The following ABCC12 variants were observed in gnomAD, a reference collection of about 807,000 sequenced individuals.
ABCC12 encodes ATP-binding cassette sub-family C member 12.
In ABCC12, 142 loss-of-function variants were observed where a neutral mutation model predicts 151.1. The ratio of observed to expected loss-of-function variants is 0.94; its 90% CI spans 0.82 to 1.08. ABCC12 has a LOEUF of 1.08. ABCC12 is among the 50% of genes least tolerant of loss of function. The pLI, the probability that ABCC12 is intolerant of heterozygous loss-of-function variation, is 0.00. For missense variants in ABCC12, 1,638 were observed against 1,691.1 expected, an observed-to-expected ratio of 0.97 and a Z score of 0.55; for synonymous variants, 645 against 646.4, an observed-to-expected ratio of 1.00 and a Z score of 0.03.
Position 48,086,766 on chromosome 16 carries a change from A to G in ABCC12, c.3689T>C (p.Leu1230Pro). Residue 1230 changes from leucine (L) to proline (P), a missense_variant, in exon 28 of 31, where the codon CTG (leucine) becomes CCG (proline). Transcript: ENST00000311303. ...TGTGTCTCTCATGAATGTTCTCTCC[A>G]GAACCTGCCAGAGCATCTCATCGGT... ...SHTDEMLWQV[L>P]ERTFMRDTIM... 6.2e-7 allele frequency: 1 copy of G among 1,614,004 alleles called. No homozygotes were observed. Among genetic ancestry groups the G allele is most frequent in the Non-Finnish European group, 8.5e-7 (1 of 1,179,914 alleles).
At chr16:48,127,139 C>A (rs903186935) in intron 11 of ABCC12, among the ~76,000 whole-genome samples, 1 of 152,188 alleles carries the variant, frequency 6.6e-6, no homozygotes, top group Non-Finnish European at 1.5e-5. Context: ...AGGTACCACT[C>A]TCACACCAGC....
Position 48,144,415 on chromosome 16 carries a change from CTTCT to C in ABCC12, c.120-354_120-351del, listed in dbSNP as rs563528434. 1.8e-3 allele frequency among the ~76,000 whole-genome samples: 281 copies of C among 152,026 alleles called. 1 individual carries two copies. The highest frequency in any genetic ancestry group is 2.4e-3 in the Non-Finnish European group (161 of 67,962). On this transcript the variant is annotated intron_variant, in intron 3 of 30. Transcript: ENST00000311303. ...TTCATTTCTTCTTCCCCTCCTCTTC[CTTCT>C]TTTTTCCCCTCCCATTCCTCCTTCT...
At chr16:48,133,857 A>G (rs748445282) in intron 8 of ABCC12, 22 bp from the exon 9 acceptor site, 5 of 1,613,470 alleles carry the variant, frequency 3.1e-6, no homozygotes, top group African/African-American at 1.3e-5. Context: ...AACACAGTCC[A>G]AGGTGGTCTC....
Position 48,081,051 on chromosome 16 carries a change from A to G in ABCC12, c.*2664T>C, listed in dbSNP as rs1962322849. ...GAACAAGCTTCCCCAAGTCTCTTTT[A>G]TAAGAGAGCCAATCCTATTCATGAG... On this transcript the variant is annotated 3_prime_UTR_variant, in exon 31 of 31. Transcript: ENST00000311303. Among the ~76,000 whole-genome samples the G allele has an allele frequency of 6.6e-6, 1 of 152,096 alleles. No homozygotes were observed. The highest frequency in any genetic ancestry group is 1.5e-5 in the Non-Finnish European group (1 of 68,026).
Position 48,138,382 on chromosome 16 carries a change from T to C in ABCC12, c.832-7A>G. ...TGAGCTTGGCCATAAACATCTGAAA[T>C]CAAGGTACAAACACTGTTTTCAGAG... On this transcript the variant is annotated splice_region_variant and splice_polypyrimidine_tract_variant and intron_variant, in intron 7 of 30. Transcript: ENST00000311303. The C allele has an allele frequency of 6.2e-7, 1 of 1,609,722 alleles. No homozygotes were observed. The highest frequency in any genetic ancestry group is 8.5e-7 in the Non-Finnish European group (1 of 1,176,758).
At chr16:48,121,609 T>G (rs1291934893) in intron 13 of ABCC12, 107 bp downstream of exon 13, 15 of 1,381,414 alleles carry the variant, frequency 1.1e-5, no homozygotes, top group Non-Finnish European at 1.5e-5. Flanking sequence ...TAATCAGAAT[T>G]CATTAAACTC....
intron 15 of ABCC12, among the ~76,000 whole-genome samples, chr16:48,114,687 G>A (rs1302769010): frequency 6.6e-6 from 1 of 152,214 alleles, no homozygotes; most frequent in Non-Finnish European, 1.5e-5. Flanking sequence ...ACAAAGAAGA[G>A]AGAGGGAGAT....
In ABCC12 at chr16:48,104,236, T is replaced by TA. The variant is rs1353186335; in HGVS notation, c.2805dup (p.Met936TyrfsTer84). 2 of 1,614,166 alleles carry TA rather than the reference T, an allele frequency of 1.2e-6. No homozygotes were observed. The highest frequency in any genetic ancestry group is 1.1e-5 in the South Asian group (1 of 91,082). ...AAGATCACGAGAATAAACACCACCATAAAAAACTGCTGCAGAAAGTTCTCT... is the reference window on the plus strand; with the variant it reads ...AAGATCACGAGAATAAACACCACCATAAAAAAACTGCTGCAGAAAGTTCTCT... On this transcript the variant is annotated frameshift_variant, in exon 22 of 31. Coordinates refer to ENST00000311303, the MANE Select transcript of ABCC12 (RefSeq NM_001393797.1). LOFTEE classifies it high-confidence loss of function.
At chr16:48,098,194 A>G (rs571272296) in intron 23 of ABCC12, among the ~76,000 whole-genome samples, 1 of 151,996 alleles carries the variant, frequency 6.6e-6, no homozygotes, top group Non-Finnish European at 1.5e-5. Flanking sequence ...GCTTGAATAT[A>G]TTCAAGATTG....
intron 3 of ABCC12, among the ~76,000 whole-genome samples, chr16:48,144,632 C>T (rs571721410): frequency 5.9e-4 from 90 of 152,240 alleles, no homozygotes; most frequent in Non-Finnish European, 9.3e-4. Context: ...ACAGCAGTGA[C>T]GCTGAGGCCA....
At position 48,091,104 on chromosome 16, in the gene ABCC12, T is replaced by C; in HGVS notation, c.3285+16A>G. On this transcript the variant is annotated intron_variant, in intron 25 of 30. Transcript: ENST00000311303. ...AAATTAACTTGTCCCTCCTCTCTGA[T>C]GCACTAATTTCTTACCGAAATGTAT... The C allele has an allele frequency of 1.9e-6, 3 of 1,613,142 alleles. No individual in the cohort carries two copies. Among genetic ancestry groups the C allele is most frequent in the Non-Finnish European group, 2.5e-6 (3 of 1,179,046 alleles).
chr16:48,088,844 G>T, intron 25 of ABCC12, 110 bp from the exon 26 acceptor site: 1 of 918,452 alleles, frequency 1.1e-6, no homozygotes. Context: ...TCATGGTGGT[G>T]AAATAAACCA....
At chr16:48,108,594 C>A in intron 18 of ABCC12, 65 bp from the exon 19 acceptor site, 2 of 1,346,810 alleles carry the variant, frequency 1.5e-6, no homozygotes, top group Admixed American at 3.5e-5. Flanking sequence ...GAGGTAGGCA[C>A]GGCCCCTCCA....
Position 48,140,742 on chromosome 16 carries a change from A to G in ABCC12, c.602T>C (p.Leu201Ser). The G allele has an allele frequency of 2.5e-6, 4 of 1,614,240 alleles. No homozygotes were observed. The highest frequency in any genetic ancestry group is 3.4e-6 in the Non-Finnish European group (4 of 1,180,040). Residue 201 changes from leucine to serine, a missense_variant, in exon 6 of 31, where the codon TTG becomes TCG. Leu to Ser is a moderately radical substitution (Grantham distance 145). Coordinates refer to ENST00000311303, the MANE Select transcript of ABCC12 (RefSeq NM_001393797.1). ...GAAGGACACTAGGTTTTCAAAAACC[A>G]AGGTGGAGAGCGCCACCTTCAACCG... ...AIRLKVALST[L>S]VFENLVSFKT...
At chr16:48,153,315 C>T (rs2150687957) in intron 2 of ABCC12, among the ~76,000 whole-genome samples, 1 of 152,282 alleles carries the variant, frequency 6.6e-6, no homozygotes, top group Middle Eastern at 3.4e-3. Context: ...TGTTACTTTT[C>T]TGTAAGTTTG....
At chr16:48,134,879 C>T (rs1218009299) in intron 8 of ABCC12, among the ~76,000 whole-genome samples, 4 of 152,058 alleles carry the variant, frequency 2.6e-5, no homozygotes, top group East Asian at 1.9e-4. Context: ...GGTGAAACCC[C>T]GTCTCTACTA....
In ABCC12 at chr16:48,107,430, A is replaced by C; in HGVS notation, c.2372-5T>G. 6.2e-7 allele frequency: 1 copy of C among 1,613,866 alleles called. No individual in the cohort carries two copies. Among genetic ancestry groups the C allele is most frequent in the Non-Finnish European group, 8.5e-7 (1 of 1,179,758 alleles). ...TGAAGAGAGAAAGGAGGTACCCTGC[A>C]AGAGGAGCGGAGAGGCCCAAGGGGC... On this transcript the variant is annotated splice_region_variant and splice_polypyrimidine_tract_variant and intron_variant, in intron 19 of 30. Coordinates refer to ENST00000311303, the MANE Select transcript of ABCC12 (RefSeq NM_001393797.1).
At chr16:48,117,179 G>A (rs1963910623) in intron 14 of ABCC12, 82 bp downstream of exon 14, 2 of 1,355,464 alleles carry the variant, frequency 1.5e-6, no homozygotes, top group African/African-American at 1.4e-5. Flanking sequence ...GTGGAACAGG[G>A]GCTTGCTGGC....
chr16:48,084,191 A>T, intron 29 of ABCC12, 118 bp from the exon 30 acceptor site: 1 of 1,059,184 alleles, frequency 9.4e-7, no homozygotes. Flanking sequence ...GATGAAAAGT[A>T]ATTAGCTAAA....
Sources: gnomAD v4.1 joint callset for allele counts (sites outside exome capture counted in the v4.1 genomes callset) on GRCh38, gnomAD v4.1.1 for gene constraint, MANE v1.5 for transcripts, NCBI Gene and HGNC (gene_info 2026-07-23, HGNC 2026-07-21) for gene names.